ADCY10: variants seen among roughly 807,000 people sequenced by gnomAD.
ADCY10 encodes the protein adenylate cyclase type 10.
A neutral mutation model predicts 183.3 loss-of-function variants in ADCY10; 156 were observed. The observed-to-expected ratio is 0.85, with a 90% CI of 0.75 to 0.97. The LOEUF is 0.97. Ranked by LOEUF, ADCY10 falls within the 50% of genes least tolerant of loss-of-function variation. The pLI, the probability that ADCY10 is intolerant of heterozygous loss-of-function variation, is 0.00. For missense variants in ADCY10, 1,745 were observed against 1,934.3 expected, an observed-to-expected ratio of 0.90 and a Z score of 1.84; for synonymous variants, 645 against 670.0, an observed-to-expected ratio of 0.96 and a Z score of 0.58.
At chr1:167,856,557 G>C in intron 16 of ADCY10, 118 bp from the exon 17 acceptor site, 1 of 968,896 alleles carries the variant, frequency 1.0e-6, no homozygotes, top group South Asian at 1.4e-5. Flanking sequence ...TGCAGCGAAA[G>C]AACTAAGTTC....
chr1:167,856,464 G>A (rs752262263), intron 16 of ADCY10, 25 bp from the exon 17 acceptor site: 11 of 1,613,510 alleles, frequency 6.8e-6, no homozygotes, highest in Middle Eastern at 1.7e-4. Context: ...GAAAGAGAAA[G>A]AGAAACACCA....
chr1:167,880,644 G>A, intron 9 of ADCY10, 35 bp from the exon 10 acceptor site: 1 of 1,502,766 alleles, frequency 6.7e-7, no homozygotes, highest in African/African-American at 1.4e-5. Context: ...ACAGCTGATG[G>A]ACAGTGTGCT....
intron 26 of ADCY10, among the ~76,000 whole-genome samples, chr1:167,825,910 G>A (rs552261572): frequency 2.6e-5 from 4 of 152,192 alleles, no homozygotes; most frequent in Non-Finnish European, 5.9e-5. Flanking sequence ...GAGGAGAAAA[G>A]GGTTCCTTCT....
chr1:167,831,242 T>G (rs1663708146), intron 25 of ADCY10, among the ~76,000 whole-genome samples: 1 of 152,000 alleles, frequency 6.6e-6, no homozygotes, highest in African/African-American at 2.4e-5. Context: ...CAGGCTAGAG[T>G]GCAGTGGCGC....
chr1:167,875,833 G>C (rs1667417018), intron 12 of ADCY10, among the ~76,000 whole-genome samples: 1 of 152,108 alleles, frequency 6.6e-6, no homozygotes, highest in Non-Finnish European at 1.5e-5. Context: ...GTTGCCTGTA[G>C]TCCCAGCTAC....
intron 14 of ADCY10, among the ~76,000 whole-genome samples, chr1:167,868,963 C>G (rs971176940): frequency 4.6e-5 from 7 of 152,142 alleles, no homozygotes; most frequent in African/African-American, 1.7e-4. Context: ...TGCTATCTAT[C>G]AAAATAGATT....
rs536491935 is a variant in ADCY10 at position 167,900,718 on chromosome 1, G to A, written c.436+944C>T. ...TGGCTAATTTTTGTATTTTAGTAGA[G>A]ACGGGGTTTCACCATGTTGGTCAGG... On this transcript the variant is annotated intron_variant, in intron 5 of 32. Transcript: ENST00000367851. Among the ~76,000 whole-genome samples, 15 of 152,244 alleles carry A rather than the reference G, an allele frequency of 9.9e-5. No homozygotes were observed. The South Asian group carries it at 3.1e-3, about 32-fold the overall frequency.
intron 25 of ADCY10, among the ~76,000 whole-genome samples, chr1:167,831,534 A>G (rs577178955): frequency 9.9e-5 from 15 of 152,280 alleles, no homozygotes; most frequent in Admixed American, 9.2e-4. Context: ...AGGGTCATGG[A>G]CACTCTGACA....
chr1:167,890,221 C>A (rs1273842411), intron 8 of ADCY10, among the ~76,000 whole-genome samples: 1 of 152,092 alleles, frequency 6.6e-6, no homozygotes, highest in Non-Finnish European at 1.5e-5. Context: ...TCCATATATT[C>A]AAAAAAACTT....
At chr1:167,904,964 C>A in intron 2 of ADCY10, 29 bp downstream of exon 2, 1 of 1,614,188 alleles carries the variant, frequency 6.2e-7, no homozygotes, top group Non-Finnish European at 8.5e-7. Flanking sequence ...TGCTCATCCA[C>A]ATTAAACAAA....
intron 12 of ADCY10, 99 bp from the exon 13 acceptor site, chr1:167,875,285 A>G (rs1056789136): frequency 3.3e-5 from 40 of 1,214,872 alleles, no homozygotes; most frequent in Non-Finnish European, 4.2e-5. Flanking sequence ...TTCCTTCTCA[A>G]TTGCTAACAA....
rs1262765454 is a variant in ADCY10, at chr1:167,834,078, C to T, written c.3310-1G>A. ...GTCCTTCATTCAAATACATGTATGC[C>T]TGTAACCAGCCCAAGGAGTAGAAAA... is the stretch of plus-strand genomic sequence containing the variant. On this transcript the variant is annotated splice_acceptor_variant, in intron 23 of 32. Coordinates refer to ENST00000367851, the MANE Select transcript of ADCY10 (RefSeq NM_018417.6). LOFTEE classifies it high-confidence loss of function. The T allele has an allele frequency of 1.2e-6, 2 of 1,609,710 alleles. No homozygotes were observed. The highest frequency in any genetic ancestry group is 8.5e-7 in the Non-Finnish European group (1 of 1,176,086).
At chr1:167,820,291 G>T (rs1662813750) in intron 30 of ADCY10, 3 of 1,314,008 alleles carry the variant, frequency 2.3e-6, no homozygotes, top group Middle Eastern at 2.6e-4. Flanking sequence ...AGCGCCGGCC[G>T]CCTAGCCAAG....
intron 17 of ADCY10, 43 bp downstream of exon 17, chr1:167,856,122 G>A (rs1665870072): frequency 6.2e-7 from 1 of 1,604,366 alleles, no homozygotes; most frequent in Middle Eastern, 1.7e-4. Context: ...CCGAGGGAAT[G>A]TATGCAGATG....
chr1:167,866,896 A>C (rs1375904034), intron 14 of ADCY10, among the ~76,000 whole-genome samples: 1 of 152,184 alleles, frequency 6.6e-6, no homozygotes, highest in Non-Finnish European at 1.5e-5. Flanking sequence ...CCCCATATCT[A>C]AGGGCCCTGG....
At chr1:167,900,700 T>G (rs2102413477) in intron 5 of ADCY10, among the ~76,000 whole-genome samples, 1 of 152,228 alleles carries the variant, frequency 6.6e-6, no homozygotes, top group East Asian at 1.9e-4. Flanking sequence ...GCCTGGCTAA[T>G]TTTTGTATTT....
chr1:167,910,874 T>C (rs141856358), intron 1 of ADCY10, among the ~76,000 whole-genome samples: 2 of 152,212 alleles, frequency 1.3e-5, no homozygotes, highest in Admixed American at 6.5e-5. Context: ...ACTGAGCTAA[T>C]GAAAACAGAG....
At chr1:167,870,512 G>A (rs779981346) in intron 13 of ADCY10, 102 bp from the exon 14 acceptor site, 76 of 1,082,862 alleles carry the variant, frequency 7.0e-5, no homozygotes, top group Non-Finnish European at 9.5e-5. Context: ...ATATCCTTGG[G>A]CCAGGCGCTG....
intron 21 of ADCY10, 82 bp from the exon 22 acceptor site, chr1:167,837,400 G>A (rs1664296529): frequency 4.6e-6 from 6 of 1,302,654 alleles, no homozygotes; most frequent in Non-Finnish European, 5.5e-6. Context: ...CAAGACTCTT[G>A]TTCCCTTTTC....
Sources: allele counts gnomAD v4.1 joint callset (sites outside exome capture counted in the v4.1 genomes callset), GRCh38; gene constraint gnomAD v4.1.1; transcripts MANE v1.5; gene names NCBI Gene and HGNC (gene_info 2026-07-23, HGNC 2026-07-21).